The following RNU2-2 variants were observed in gnomAD, a reference collection of about 807,000 sequenced individuals.
The protein encoded by RNU2-2 is RNA, U2 small nuclear 2, pseudogene.
At chr11:62,841,770 G>C in the RNU2-2 span, 2 of 152,224 alleles carry the variant, frequency 1.3e-5, no homozygotes, top group African/African-American at 4.8e-5. Context: ...GATAAGAACA[G>C]ATACTACACT....
the RNU2-2 span, chr11:62,841,700 A>C: frequency 1.3e-5 from 2 of 152,314 alleles, no homozygotes; most frequent in Non-Finnish European, 2.9e-5. Context: ...TCCATCTCCT[A>C]TTTCCAAAAA....
the RNU2-2 span, chr11:62,841,689 T>C: frequency 4.0e-4 from 61 of 152,170 alleles, no homozygotes; most frequent in South Asian, 1.2e-3. Context: ...CAAGCTCCTA[T>C]TCCATCTCCT....
At chr11:62,841,633 T>TA in the RNU2-2 span, 5 of 152,220 alleles carry the variant, frequency 3.3e-5, no homozygotes, top group African/African-American at 7.2e-5. Context: ...AGTGCACCGT[T>TA]CCTGGAAGTA....
At chr11:62,841,647 C>CA in the RNU2-2 span, 1 of 152,246 alleles carries the variant, frequency 6.6e-6, no homozygotes, top group Non-Finnish European at 1.5e-5. Flanking sequence ...GGAAGTACTG[C>CA]AATACCAGGT....
At chr11:62,841,702 T>G in the RNU2-2 span, 1 of 152,212 alleles carries the variant, frequency 6.6e-6, no homozygotes, top group African/African-American at 2.4e-5. Context: ...CATCTCCTAT[T>G]TCCAAAAATC....
the RNU2-2 span, chr11:62,841,709 A>AT: frequency 6.6e-6 from 1 of 152,202 alleles, no homozygotes; most frequent in South Asian, 2.1e-4. Flanking sequence ...TATTTCCAAA[A>AT]ATCCATTTAA....
At chr11:62,841,663 C>A in the RNU2-2 span, 3 of 152,216 alleles carry the variant, frequency 2.0e-5, no homozygotes, top group Non-Finnish European at 4.4e-5. Context: ...CAGGTCGATG[C>A]GTGGAGTGGA....
At chr11:62,841,729 C>T in the RNU2-2 span, 15 of 152,242 alleles carry the variant, frequency 9.9e-5, no homozygotes, top group East Asian at 3.9e-4. Context: ...ATATATTGTC[C>T]TCGGATAGAG....
the RNU2-2 span, chr11:62,841,761 A>T: frequency 6.6e-6 from 1 of 152,252 alleles, no homozygotes; most frequent in Non-Finnish European, 1.5e-5. Context: ...TATTAAACTG[A>T]TAAGAACAGA....
At chr11:62,841,781 T>G in the RNU2-2 span, 1 of 152,252 alleles carries the variant, frequency 6.6e-6, no homozygotes, top group African/African-American at 2.4e-5. Flanking sequence ...ATACTACACT[T>G]GATCTTAGCC....
the RNU2-2 span, chr11:62,841,720 T>C: frequency 4.6e-5 from 7 of 152,184 alleles, no homozygotes; most frequent in Non-Finnish European, 8.8e-5. Context: ...ATCCATTTAA[T>C]ATATTGTCCT....
the RNU2-2 span, chr11:62,841,668 A>C: frequency 6.6e-6 from 1 of 152,232 alleles, no homozygotes; most frequent in Non-Finnish European, 1.5e-5. Flanking sequence ...CGATGCGTGG[A>C]GTGGACGGAG....
At chr11:62,841,694 T>G in the RNU2-2 span, 3 of 152,132 alleles carry the variant, frequency 2.0e-5, no homozygotes, top group East Asian at 3.9e-4. Context: ...TCCTATTCCA[T>G]CTCCTATTTC....
the RNU2-2 span, chr11:62,841,674 C>G: frequency 7.2e-5 from 11 of 152,198 alleles, no homozygotes; most frequent in East Asian, 1.9e-4. Flanking sequence ...GTGGAGTGGA[C>G]GGAGCAAGCT....
At chr11:62,841,786 T>TA in the RNU2-2 span, 1 of 152,258 alleles carries the variant, frequency 6.6e-6, no homozygotes. Context: ...ACACTTGATC[T>TA]TAGCCAAAAG....
the RNU2-2 span, chr11:62,841,754 T>C: frequency 2.6e-5 from 4 of 152,226 alleles, no homozygotes; most frequent in African/African-American, 4.8e-5. Flanking sequence ...TATCAGATAT[T>C]AAACTGATAA....
chr11:62,841,627 C>G, the RNU2-2 span: 4 of 152,338 alleles, frequency 2.6e-5, no homozygotes, highest in Admixed American at 6.5e-5. Context: ...AGGGAGAGTG[C>G]ACCGTTCCTG....
At chr11:62,841,738 A>AG in the RNU2-2 span, 3 of 152,182 alleles carry the variant, frequency 2.0e-5, no homozygotes, top group Non-Finnish European at 4.4e-5. Context: ...CCTCGGATAG[A>AG]GGACGTATCA....
At chr11:62,841,637 G>C in the RNU2-2 span, 5 of 152,210 alleles carry the variant, frequency 3.3e-5, no homozygotes, top group African/African-American at 1.2e-4. Context: ...CACCGTTCCT[G>C]GAAGTACTGC....
Sources: gnomAD v4.1 joint callset for allele counts on GRCh38, gnomAD v4.1.1 for gene constraint, MANE v1.5 for transcripts, NCBI Gene and HGNC (gene_info 2026-07-23, HGNC 2026-07-21) for gene names.